The following SLC4A8 variants were observed in gnomAD, a reference collection of about 807,000 sequenced individuals.
SLC4A8 encodes electroneutral sodium bicarbonate exchanger 1.
In SLC4A8, 40 loss-of-function variants were observed where a neutral mutation model predicts 125.0. The ratio of observed to expected loss-of-function variants is 0.32; its 90% CI spans 0.25 to 0.42. The LOEUF (loss-of-function observed/expected upper bound fraction) is 0.42, where lower values mean the gene tolerates loss of function less well. Among genes scored for constraint, SLC4A8 ranks in the 10% least tolerant of loss-of-function variants. The pLI is 1.00. For synonymous variants in SLC4A8, 456 were observed against 476.0 expected (o/e 0.96, Z 0.55); for missense variants, 863 against 1,355.1 (o/e 0.64, Z 5.70).
chr12:51,495,729 G>A (rs569604954), intron 21 of SLC4A8, among the ~76,000 whole-genome samples: 17 of 151,820 alleles, frequency 1.1e-4, no homozygotes, highest in East Asian at 5.8e-4. Flanking sequence ...TGATCCACCC[G>A]TCTCAACCTC....
At chr12:51,440,677 T>C (rs771757756) in intron 1 of SLC4A8, 31 bp from the exon 2 acceptor site, 4 of 1,565,496 alleles carry the variant, frequency 2.6e-6, no homozygotes, top group African/African-American at 1.4e-5. Flanking sequence ...GGTATGTGTA[T>C]TACTGTGACT....
chr12:51,427,002 G>A (rs1949011213), intron 1 of SLC4A8, among the ~76,000 whole-genome samples: 1 of 148,128 alleles, frequency 6.8e-6, no homozygotes, highest in South Asian at 2.1e-4. Context: ...GCAGTGGTGC[G>A]ATCTCCACTC....
At chr12:51,444,535 TCAC>T (rs1391421351) in intron 2 of SLC4A8, among the ~76,000 whole-genome samples, 2 of 152,226 alleles carry the variant, frequency 1.3e-5, no homozygotes, top group African/African-American at 4.8e-5. Flanking sequence ...TAGGATGTCT[TCAC>T]CATTATGCCT....
intron 11 of SLC4A8, among the ~76,000 whole-genome samples, chr12:51,463,977 T>C (rs987089977): frequency 3.9e-5 from 6 of 152,196 alleles, no homozygotes; most frequent in Non-Finnish European, 8.8e-5. Context: ...TTGAACACTC[T>C]TCCCTTTCCT....
At position 51,452,185 on chromosome 12, in the gene SLC4A8, T is replaced by C. The variant is rs1465844905; in HGVS notation, c.339T>C (p.Pro113=). Residue 113 remains proline, a synonymous_variant, in exon 4 of 25, where the codon CCT becomes CCC. Transcript: ENST00000453097. The part of the protein sequence containing the change: ...LGTEEDEEHV[P]HELFTELDEI... ...CCGAGGAAGATGAAGAGCATGTGCC[T>C]CATGAGCTGTTTACAGAGCTGGATG... The C allele has an allele frequency of 3.1e-6, 5 of 1,613,972 alleles. No homozygotes were observed. The highest frequency in any genetic ancestry group is 2.7e-5 in the African/African-American group (2 of 74,916).
chr12:51,489,608 T>G (rs965162936), intron 18 of SLC4A8, 92 bp from the exon 19 acceptor site: 4 of 1,528,572 alleles, frequency 2.6e-6, no homozygotes, highest in Non-Finnish European at 3.5e-6. Context: ...CATACACCCC[T>G]TCATGCTTTG....
intron 2 of SLC4A8, chr12:51,450,622 A>G (rs1006841418): frequency 1.7e-5 from 8 of 458,280 alleles, no homozygotes; most frequent in Admixed American, 1.6e-4. Context: ...ACAGTTTGGA[A>G]ATCACATTAT....
intron 1 of SLC4A8, among the ~76,000 whole-genome samples, chr12:51,392,571 CA>C (rs35992841): frequency 2.0e-4 from 24 of 119,196 alleles, no homozygotes; most frequent in East Asian, 4.5e-4. Context: ...GATTCCGTAT[CA>C]AAAAAAAAAA....
In SLC4A8 at chr12:51,458,603, G is replaced by A; in HGVS notation, c.808G>A (p.Val270Ile). Residue 270 changes from valine (V) to isoleucine (I), a missense_variant, in exon 7 of 25, where the codon GTA (valine) becomes ATA (isoleucine). Coordinates refer to ENST00000453097, the MANE Select transcript of SLC4A8 (RefSeq NM_001039960.3). ...GTCTGTTCCAACTACAAATCTTGAA[G>A]TAAAAAATGGAGTGAATTGTGAACA... is the stretch of plus-strand genomic sequence containing the variant. ...PQSVPTTNLE[V>I]KNGVNCEHSP... 1.2e-6 allele frequency: 2 copies of A among 1,613,946 alleles called. No individual in the cohort carries two copies. Among genetic ancestry groups the A allele is most frequent in the Non-Finnish European group, 8.5e-7 (1 of 1,179,840 alleles).
intron 1 of SLC4A8, among the ~76,000 whole-genome samples, chr12:51,393,062 GTCTC>G (rs1184269722): frequency 1.4e-5 from 2 of 144,074 alleles, no homozygotes; most frequent in Admixed American, 7.0e-5. Flanking sequence ...TACTCTCTCT[GTCTC>G]TCCTTTCTCT....
At chr12:51,488,912 C>A in intron 18 of SLC4A8, 52 bp downstream of exon 18, 1 of 1,518,452 alleles carries the variant, frequency 6.6e-7, no homozygotes. Context: ...GTTACATTTT[C>A]GTAAAATTTT....
intron 11 of SLC4A8, among the ~76,000 whole-genome samples, chr12:51,466,943 A>G (rs369623157): frequency 6.7e-6 from 1 of 149,288 alleles, no homozygotes; most frequent in African/African-American, 2.5e-5. Flanking sequence ...GCCTCAGAGT[A>G]TGTGTGTGTG....
Position 51,403,366 on chromosome 12 carries a change from T to G in SLC4A8, c.-112+11878T>G, listed in dbSNP as rs1013670226. 4 of 411,022 alleles carry G rather than the reference T, an allele frequency of 9.7e-6. No individual in the cohort carries two copies. The Admixed American group carries it at 1.0e-4, about 11-fold the overall frequency. 25.5% of individuals were successfully genotyped at this position (411,022 alleles called of 1,614,324 possible). On this transcript the variant is annotated intron_variant, in intron 1 of 24. Transcript: ENST00000358657. ...ATTTCCAGAGTTTGGGCAGGAGCCA[T>G]GACAGCCTGTTGATGAGCTTGGCTG...
chr12:51,460,919 A>G (rs1445618557), intron 8 of SLC4A8, among the ~76,000 whole-genome samples: 1 of 152,236 alleles, frequency 6.6e-6, no homozygotes, highest in East Asian at 1.9e-4. Flanking sequence ...CCATGTTTTG[A>G]AAAAGCATCT....
upstream of SLC4A8, chr12:51,424,661 C>T (rs560254231): frequency 4.8e-4 from 189 of 397,276 alleles, no homozygotes; most frequent in African/African-American, 3.6e-3. Flanking sequence ...CCCAGAGGCC[C>T]CTGAAGGGAG....
At chr12:51,393,077 C>A (rs1159367333) in intron 1 of SLC4A8, among the ~76,000 whole-genome samples, 1 of 151,148 alleles carries the variant, frequency 6.6e-6, no homozygotes, top group Non-Finnish European at 1.5e-5. Context: ...TCCTTTCTCT[C>A]TCTCTCTTTC....
At chr12:51,418,934 C>A (rs906057351) in intron 1 of SLC4A8, among the ~76,000 whole-genome samples, 1 of 152,008 alleles carries the variant, frequency 6.6e-6, no homozygotes, top group African/African-American at 2.4e-5. Context: ...CTTTCCAAAG[C>A]GGAAATTATG....
chr12:51,502,878 GTCA>G (rs1555200167), intron 22 of SLC4A8, among the ~76,000 whole-genome samples: 7 of 131,376 alleles, frequency 5.3e-5, no homozygotes, highest in East Asian at 2.2e-4. Flanking sequence ...TCGCTCTGTC[GTCA>G]CCCAGGCTGG....
rs539205648 is a variant in SLC4A8, at chr12:51,465,694, C to CT, written c.1349+1981dup. Among the ~76,000 whole-genome samples the CT allele has an allele frequency of 2.8e-4, 43 of 152,304 alleles. No homozygotes were observed. The East Asian group carries it at 8.3e-3, about 29-fold the overall frequency. On this transcript the variant is annotated intron_variant, in intron 11 of 24. Coordinates refer to ENST00000453097, the MANE Select transcript of SLC4A8 (RefSeq NM_001039960.3). The stretch of plus-strand genomic sequence containing the variant: ...GGAGATGCTTCCTCTTTCTGAGCTT[C>CT]TGTCATTTTTCTTAGAGCCCTTAGT...
Sources: allele counts gnomAD v4.1 joint callset (sites outside exome capture counted in the v4.1 genomes callset), GRCh38; gene constraint gnomAD v4.1.1; transcripts MANE v1.5; gene names NCBI Gene and HGNC (gene_info 2026-07-23, HGNC 2026-07-21).